Variants in EPB41L1 observed in about 807,000 individuals in gnomAD.
EPB41L1 encodes erythrocyte membrane protein band 4.1 like 1.
In EPB41L1, 29 loss-of-function variants were observed where a neutral mutation model predicts 97.8. The observed-to-expected ratio is 0.30, with a 90% confidence interval of 0.22 to 0.40. The LOEUF is 0.40. EPB41L1 is among the 10% of genes least tolerant of loss of function. The pLI is 1.00. For missense variants in EPB41L1, 812 were observed against 1,162.3 expected (o/e 0.70, Z 4.38); for synonymous variants, 383 against 459.2 (o/e 0.83, Z 2.12).
chr20:36,212,129 T>TCCAGAG lies in EPB41L1; in HGVS notation c.2080-143_2080-142insCCAGAG. On this transcript the variant is annotated intron_variant, in intron 15 of 21. Transcript: ENST00000338074. This position sits in a 1 kb window ranked among gnomAD's most constrained non-coding sequence, Gnocchi z 4.8. ...TCTATGATATCACACCACAACTCTT[T>TCCAGAG]TACCCTGTCCAGAGTACCCTTCCAG... 1.3e-6 allele frequency: 1 copy of TCCAGAG among 799,400 alleles called. No individual in the cohort carries two copies. Among genetic ancestry groups the TCCAGAG allele is most frequent in the Non-Finnish European group, 2.1e-6 (1 of 470,814 alleles). The allele number at this position is 799,400 out of a possible 1,614,324, so 49.5% of individuals were successfully genotyped here. A position where few individuals can be genotyped will look rare whatever the true frequency, so the allele number is the denominator to read the frequency against.
chr20:36,158,662 G>A (rs998858223), intron 1 of EPB41L1, among the ~76,000 whole-genome samples: 2 of 152,180 alleles, frequency 1.3e-5, no homozygotes, highest in African/African-American at 4.8e-5. Flanking sequence ...GCAATGCATT[G>A]TATTAGCCAC....
In EPB41L1 at chr20:36,206,167, C is replaced by T. The variant is rs1378819639; in HGVS notation, c.1669-3321C>T. On this transcript the variant is annotated intron_variant, in intron 14 of 21. Transcript: ENST00000338074. This position sits in a 1 kb window ranked among gnomAD's most constrained non-coding sequence, Gnocchi z 5.5. ...AGGAGGGGCTGCCCTGGCTTCCGGC[C>T]GCACATTGGCAGAAAAGCTCCTCGA... The T allele has an allele frequency of 1.6e-6, 2 of 1,289,852 alleles. No homozygotes were observed. The highest frequency in any genetic ancestry group is 2.0e-6 in the Non-Finnish European group (2 of 988,878). 79.9% of individuals were successfully genotyped at this position (1,289,852 alleles called of 1,614,324 possible). A position where few individuals can be genotyped will look rare whatever the true frequency, so the allele number is the denominator to read the frequency against.
At chr20:36,221,131 C>T (rs920263974) in intron 19 of EPB41L1, among the ~76,000 whole-genome samples, 2 of 152,244 alleles carry the variant, frequency 1.3e-5, no homozygotes, top group African/African-American at 4.8e-5. Flanking sequence ...CTGGGAGCCC[C>T]CTCTTCTTTC....
intron 15 of EPB41L1, among the ~76,000 whole-genome samples, chr20:36,211,027 C>T (rs938942183): frequency 6.6e-5 from 10 of 151,990 alleles, no homozygotes; most frequent in East Asian, 1.9e-4. Flanking sequence ...GAGCTTTGAT[C>T]GTGCCACTGC....
intron 5 of EPB41L1, among the ~76,000 whole-genome samples, chr20:36,181,947 G>A (rs150294230): frequency 1.2e-3 from 188 of 152,254 alleles, no homozygotes; most frequent in African/African-American, 4.4e-3. Flanking sequence ...ATAAAATGGG[G>A]CTAATCATAG....
At chr20:36,136,417 T>C (rs2059418778) in intron 2 of EPB41L1, among the ~76,000 whole-genome samples, 1 of 148,950 alleles carries the variant, frequency 6.7e-6, no homozygotes, top group Admixed American at 6.8e-5. Context: ...TGGCCTCAAG[T>C]GATCCAACTG....
intron 21 of EPB41L1, among the ~76,000 whole-genome samples, chr20:36,225,687 G>A (rs1190806916): frequency 6.6e-6 from 1 of 152,084 alleles, no homozygotes; most frequent in Non-Finnish European, 1.5e-5. Flanking sequence ...TTGCTTTCCT[G>A]GGGTATCTGT....
chr20:36,211,884 C>T (rs769006464), intron 15 of EPB41L1, among the ~76,000 whole-genome samples: 86 of 152,220 alleles, frequency 5.6e-4, no homozygotes, highest in Non-Finnish European at 1.1e-3. Flanking sequence ...TCAGCTGAAG[C>T]GGCTGAGAGG....
At chr20:36,174,404 C>T (rs2061135496) in intron 2 of EPB41L1, among the ~76,000 whole-genome samples, 1 of 152,022 alleles carries the variant, frequency 6.6e-6, no homozygotes, top group Admixed American at 6.6e-5. Context: ...TCCTTAGTAA[C>T]TGGGATTACA....
In EPB41L1 at chr20:36,195,913, A is replaced by C. The variant is rs1211447411; in HGVS notation, c.1485+549A>C. On this transcript the variant is annotated intron_variant, in intron 13 of 21. Transcript: ENST00000338074. This position sits in a 1 kb window ranked among gnomAD's most constrained non-coding sequence, Gnocchi z 4.6. ...TCAGAGCACACCTGCATCTGCCCCAACTCCAGTCCTACACCTCCCCCAGGC... is the reference window on the plus strand; with the variant it reads ...TCAGAGCACACCTGCATCTGCCCCACCTCCAGTCCTACACCTCCCCCAGGC... Among the ~76,000 whole-genome samples the C allele has an allele frequency of 3.3e-5, 5 of 150,562 alleles. No homozygotes were observed. Among genetic ancestry groups the C allele is most frequent in the Non-Finnish European group, 1.5e-5 (1 of 67,532 alleles).
intron 2 of EPB41L1, chr20:36,148,612 T>C (rs2059927101): frequency 6.6e-6 from 1 of 152,220 alleles, no homozygotes; most frequent in Non-Finnish European, 1.5e-5. Flanking sequence ...GCTTCTTCCA[T>C]TGAGGAAGCA....
chr20:36,222,027 C>A (rs2063811049), intron 20 of EPB41L1, 83 bp downstream of exon 20: 1 of 1,412,246 alleles, frequency 7.1e-7, no homozygotes, highest in African/African-American at 1.4e-5. Context: ...GGATGGCTAT[C>A]CTCATGGGCA....
At chr20:36,124,063 A>G (rs1019916359) in intron 2 of EPB41L1, among the ~76,000 whole-genome samples, 5 of 152,180 alleles carry the variant, frequency 3.3e-5, no homozygotes, top group African/African-American at 1.2e-4. Flanking sequence ...CCTGGCTAAC[A>G]TGGTGAAACC....
intron 1 of EPB41L1, among the ~76,000 whole-genome samples, chr20:36,158,923 T>A (rs2060422409): frequency 6.6e-6 from 1 of 152,248 alleles, no homozygotes; most frequent in South Asian, 2.1e-4. Context: ...GATTTTAGTC[T>A]GCTGAGGAGC....
At chr20:36,201,762 C>T (rs1371324321) in intron 14 of EPB41L1, among the ~76,000 whole-genome samples, 1 of 152,074 alleles carries the variant, frequency 6.6e-6, no homozygotes, top group African/African-American at 2.4e-5. Context: ...GAATCCAGGC[C>T]CAGGCAGGAG....
rs908985630 is a variant in EPB41L1 at position 36,190,126 on chromosome 20, T to G, written c.1027-151T>G. ...AGGAATTCAAGGTTACAGTGAGCTA[T>G]GATTGCGCCACTGTACTCCACCCTG... On this transcript the variant is annotated intron_variant, in intron 9 of 21. Coordinates refer to ENST00000338074, the MANE Select transcript of EPB41L1 (RefSeq NM_012156.2). This position sits in a 1 kb window ranked among gnomAD's most constrained non-coding sequence, Gnocchi z 5.8. The G allele has an allele frequency of 2.0e-5, 13 of 661,558 alleles. No individual in the cohort carries two copies. In the East Asian group the frequency reaches 3.7e-4, roughly 19 times the overall value. 41.0% of individuals were successfully genotyped at this position (661,558 alleles called of 1,614,324 possible). A position where few individuals can be genotyped will look rare whatever the true frequency, so the allele number is the denominator to read the frequency against.
At chr20:36,096,380 G>A (rs1257579744) in intron 1 of EPB41L1, among the ~76,000 whole-genome samples, 1 of 152,136 alleles carries the variant, frequency 6.6e-6, no homozygotes, top group Non-Finnish European at 1.5e-5. Context: ...CTGAGCGAGG[G>A]GTTTCCCTGA....
At chr20:36,219,618 T>C in intron 18 of EPB41L1, 143 bp from the exon 19 acceptor site, 4 of 713,688 alleles carry the variant, frequency 5.6e-6, no homozygotes, top group South Asian at 4.6e-5. Flanking sequence ...AAGATTCTAG[T>C]ATTCTTGAAT....
chr20:36,174,104 C>T (rs1256181914), intron 2 of EPB41L1, 150 bp downstream of exon 2: 5 of 906,900 alleles, frequency 5.5e-6, no homozygotes, highest in Non-Finnish European at 7.0e-6. Flanking sequence ...GTGCTGGGAG[C>T]ATTGTTGTTA....
Sources: allele counts gnomAD v4.1 joint callset (sites outside exome capture counted in the v4.1 genomes callset), GRCh38; gene constraint gnomAD v4.1.1; non-coding constraint Gnocchi (gnomAD v3.1); transcripts MANE v1.5; gene names NCBI Gene and HGNC (gene_info 2026-07-23, HGNC 2026-07-21).